The following ARHGAP10 variants were observed in gnomAD, a reference collection of about 807,000 sequenced individuals.
ARHGAP10 encodes rho GTPase-activating protein 10.
ARHGAP10 carries 87 observed loss-of-function variants against 108.6 expected under a neutral mutation model. The ratio of observed to expected loss-of-function variants is 0.80; its 90% CI spans 0.67 to 0.96. The LOEUF (loss-of-function observed/expected upper bound fraction) is 0.96, where lower values mean the gene tolerates loss of function less well. ARHGAP10 is among the 40% of genes least tolerant of loss of function. ARHGAP10 has a pLI of 0.00. For missense variants in ARHGAP10, 939 were observed against 954.5 expected (o/e 0.98, Z 0.21); for synonymous variants, 347 against 341.1 (o/e 1.02, Z -0.19).
chr4:147,932,199 C>A (rs923382175), intron 13 of ARHGAP10, among the ~76,000 whole-genome samples: 2 of 152,098 alleles, frequency 1.3e-5, no homozygotes, highest in Non-Finnish European at 2.9e-5. Context: ...AAGGAACACA[C>A]TATCGGTGGG....
chr4:147,762,614 C>T (rs1318336010), intron 1 of ARHGAP10, among the ~76,000 whole-genome samples: 2 of 151,844 alleles, frequency 1.3e-5, no homozygotes, highest in East Asian at 3.9e-4. Context: ...CCTGCAAGCT[C>T]TGCCTCCCGG....
chr4:148,034,274 A>G (rs1239689872), intron 19 of ARHGAP10, among the ~76,000 whole-genome samples: 1 of 152,156 alleles, frequency 6.6e-6, no homozygotes, highest in African/African-American at 2.4e-5. Flanking sequence ...TTTTTGTCCA[A>G]CATTATACCT....
At chr4:147,989,164 G>C (rs985145795) in intron 18 of ARHGAP10, among the ~76,000 whole-genome samples, 1 of 152,244 alleles carries the variant, frequency 6.6e-6, no homozygotes, top group African/African-American at 2.4e-5. Context: ...AAACCAGCAA[G>C]TTTTTATTAG....
intron 1 of ARHGAP10, among the ~76,000 whole-genome samples, chr4:147,732,727 C>T (rs963903356): frequency 2.6e-5 from 4 of 152,286 alleles, no homozygotes; most frequent in African/African-American, 9.6e-5. Context: ...CGCCTGGCCC[C>T]GGCCGAACAC....
chr4:148,049,763 C>T (rs1192323964), intron 20 of ARHGAP10, among the ~76,000 whole-genome samples: 1 of 151,098 alleles, frequency 6.6e-6, no homozygotes, highest in African/African-American at 2.4e-5. Flanking sequence ...TCTAGCTAAT[C>T]TTTCCCTTAC....
At chr4:147,758,919 C>T (rs912357803) in intron 1 of ARHGAP10, among the ~76,000 whole-genome samples, 10 of 139,606 alleles carry the variant, frequency 7.2e-5, no homozygotes, top group East Asian at 2.1e-4. Context: ...GAGGAGGTTG[C>T]GGTGAGCAGA....
intron 7 of ARHGAP10, among the ~76,000 whole-genome samples, chr4:147,869,395 G>A (rs1448932164): frequency 6.6e-6 from 1 of 152,098 alleles, no homozygotes; most frequent in African/African-American, 2.4e-5. Context: ...ACTTTCAGAG[G>A]CATTAAATAT....
rs985809705 is a variant in ARHGAP10, at chr4:147,882,191, A to G, written c.1034+259A>G. Among the ~76,000 whole-genome samples, 3 of 152,086 alleles carry G rather than the reference A, an allele frequency of 2.0e-5. No individual in the cohort carries two copies. The East Asian group carries it at 5.8e-4, about 29-fold the overall frequency. On this transcript the variant is annotated intron_variant, in intron 10 of 22. Coordinates refer to ENST00000336498, the MANE Select transcript of ARHGAP10 (RefSeq NM_024605.4). ...AAAAATAACCTTGGAGGCCAGGTGC[A>G]GTGGCTCACACCTGTAATCCCAGCA... is the stretch of plus-strand genomic sequence containing the variant.
At chr4:147,848,243 G>C (rs746840244) in intron 4 of ARHGAP10, among the ~76,000 whole-genome samples, 44 of 152,278 alleles carry the variant, frequency 2.9e-4, no homozygotes, top group Middle Eastern at 3.4e-3. Context: ...TAAGTGACTT[G>C]TGAAAATATT....
intron 1 of ARHGAP10, among the ~76,000 whole-genome samples, chr4:147,819,005 T>C (rs1366175646): frequency 6.6e-6 from 1 of 152,194 alleles, no homozygotes; most frequent in Non-Finnish European, 1.5e-5. Flanking sequence ...ATGATATAAC[T>C]ATAATTCTTA....
At chr4:147,964,023 C>T (rs190081964) in intron 16 of ARHGAP10, among the ~76,000 whole-genome samples, 1 of 152,220 alleles carries the variant, frequency 6.6e-6, no homozygotes, top group Non-Finnish European at 1.5e-5. Flanking sequence ...GTATTAAGCA[C>T]GCCTTTTTAT....
intron 1 of ARHGAP10, among the ~76,000 whole-genome samples, chr4:147,783,826 G>C (rs62330676): frequency 4.0e-5 from 4 of 99,952 alleles, no homozygotes; most frequent in African/African-American, 1.6e-4. Flanking sequence ...ACATTAAATT[G>C]TGTATTATAT....
chr4:147,874,921 GT>G, intron 7 of ARHGAP10, 99 bp from the exon 8 acceptor site: 1 of 1,251,470 alleles, frequency 8.0e-7, no homozygotes, highest in Non-Finnish European at 1.0e-6. Context: ...GTTATTTAGA[GT>G]TAAAAAATGT....
chr4:148,021,265 C>G (rs1741557849), intron 18 of ARHGAP10, among the ~76,000 whole-genome samples: 1 of 152,084 alleles, frequency 6.6e-6, no homozygotes, highest in African/African-American at 2.4e-5. Flanking sequence ...CACACCTCAC[C>G]CCCCACACCC....
At position 147,883,023 on chromosome 4, in the gene ARHGAP10, G is replaced by A. The variant is rs139150968; in HGVS notation, c.1034+1091G>A. On this transcript the variant is annotated intron_variant, in intron 10 of 22. Coordinates refer to ENST00000336498, the MANE Select transcript of ARHGAP10 (RefSeq NM_024605.4). ...ACCCAGGAATACAAAAGTAATTAATGCTGCTTCCTCTCTTAGATGATATAG... is the reference window on the plus strand; with the variant it reads ...ACCCAGGAATACAAAAGTAATTAATACTGCTTCCTCTCTTAGATGATATAG... 4.0e-3 allele frequency among the ~76,000 whole-genome samples: 607 copies of A among 152,302 alleles called. 2 individuals are homozygous for A. The highest frequency in any genetic ancestry group is 0.013 in the African/African-American group (525 of 41,552).
chr4:148,053,317 G>T (rs570132545), intron 20 of ARHGAP10, among the ~76,000 whole-genome samples: 22 of 152,206 alleles, frequency 1.4e-4, no homozygotes, highest in Non-Finnish European at 3.1e-4. Context: ...CTGAAACCCA[G>T]TGAAACAGCC....
At chr4:147,887,780 T>G (rs965173988) in intron 10 of ARHGAP10, among the ~76,000 whole-genome samples, 3 of 151,616 alleles carry the variant, frequency 2.0e-5, no homozygotes, top group Admixed American at 2.0e-4. Flanking sequence ...GAGAATTTTT[T>G]GAACCTGGGA....
intron 1 of ARHGAP10, among the ~76,000 whole-genome samples, chr4:147,801,286 C>T (rs1731570862): frequency 6.6e-6 from 1 of 152,142 alleles, no homozygotes; most frequent in African/African-American, 2.4e-5. Context: ...AATTACAGAA[C>T]ACAGACTAGA....
intron 1 of ARHGAP10, among the ~76,000 whole-genome samples, chr4:147,744,040 A>T (rs756309985): frequency 6.6e-6 from 1 of 152,206 alleles, no homozygotes; most frequent in Non-Finnish European, 1.5e-5. Context: ...GTTTGTGAGA[A>T]GAAACGTGTA....
Sources: gnomAD v4.1 joint callset for allele counts (sites outside exome capture counted in the v4.1 genomes callset) on GRCh38, gnomAD v4.1.1 for gene constraint, MANE v1.5 for transcripts, NCBI Gene and HGNC (gene_info 2026-07-23, HGNC 2026-07-21) for gene names.